ALDH1L1: variants seen among roughly 807,000 people sequenced by gnomAD.
The protein encoded by ALDH1L1 is cytosolic 10-formyltetrahydrofolate dehydrogenase.
Under a neutral mutation model 101.1 loss-of-function variants are expected in ALDH1L1, and 68 were observed. That is an observed-to-expected ratio of 0.67 (90% CI 0.55 to 0.82). The LOEUF is 0.82. Among genes scored for constraint, ALDH1L1 ranks in the 40% least tolerant of loss-of-function variants. The pLI is 0.00. For synonymous variants in ALDH1L1, 486 were observed against 470.8 expected (o/e 1.03, Z -0.42); for missense variants, 1,087 against 1,172.7 (o/e 0.93, Z 1.07).
At chr3:126,113,591 C>T (rs1044755399) in intron 18 of ALDH1L1, among the ~76,000 whole-genome samples, 1 of 152,238 alleles carries the variant, frequency 6.6e-6, no homozygotes, top group East Asian at 1.9e-4. Flanking sequence ...CCAGCTAGAT[C>T]CCCGTGCTGA....
intron 1 of ALDH1L1, among the ~76,000 whole-genome samples, chr3:126,195,650 G>A (rs532733031): frequency 6.6e-6 from 1 of 152,298 alleles, no homozygotes; most frequent in East Asian, 1.9e-4. Flanking sequence ...CTGCTATAAA[G>A]GCACATGCAC....
intron 1 of ALDH1L1, among the ~76,000 whole-genome samples, chr3:126,170,847 A>T (rs2081259217): frequency 6.6e-6 from 1 of 152,200 alleles, no homozygotes; most frequent in African/African-American, 2.4e-5. Context: ...TAAAACACGG[A>T]TAAGACAGCT....
intron 6 of ALDH1L1, 31 bp downstream of exon 6, chr3:126,154,523 G>A (rs1229783917): frequency 4.4e-6 from 7 of 1,590,278 alleles, no homozygotes; most frequent in Admixed American, 1.7e-5. Context: ...ACCAATGCAC[G>A]TGGCTGGATT....
intron 1 of ALDH1L1, among the ~76,000 whole-genome samples, chr3:126,169,115 A>G (rs982184480): frequency 2.6e-5 from 4 of 152,216 alleles, no homozygotes; most frequent in African/African-American, 9.6e-5. Context: ...AATATCAAGC[A>G]AAACAAAAAT....
At chr3:126,164,157 G>A (rs1161629383) in intron 1 of ALDH1L1, among the ~76,000 whole-genome samples, 2 of 152,144 alleles carry the variant, frequency 1.3e-5, no homozygotes, top group African/African-American at 4.8e-5. Flanking sequence ...GCAAGGCAAG[G>A]TAGGGCGGGG....
At chr3:126,154,379 G>A (rs938112339) in intron 6 of ALDH1L1, among the ~76,000 whole-genome samples, 175 bp downstream of exon 6, 1 of 152,238 alleles carries the variant, frequency 6.6e-6, no homozygotes, top group African/African-American at 2.4e-5. Context: ...ACTGCAGGCT[G>A]GGTAGGTCTC....
chr3:126,107,342 C>T (rs1048747117), intron 20 of ALDH1L1, 96 bp from the exon 21 acceptor site: 17 of 964,884 alleles, frequency 1.8e-5, no homozygotes, highest in East Asian at 4.8e-5. Context: ...CAGCCACCTG[C>T]GGATGACCCG....
At chr3:126,155,859 A>T (rs1390454851) in intron 4 of ALDH1L1, 1 of 161,852 alleles carries the variant, frequency 6.2e-6, no homozygotes, top group Non-Finnish European at 1.3e-5. Context: ...GTGGGTCCTG[A>T]GCCCCGTGGT....
intron 13 of ALDH1L1, among the ~76,000 whole-genome samples, 187 bp from the exon 14 acceptor site, chr3:126,130,480 C>T (rs2080279385): frequency 6.6e-6 from 1 of 152,268 alleles, no homozygotes; most frequent in Non-Finnish European, 1.5e-5. Flanking sequence ...CTGAGCCTGG[C>T]AGGCAGAGCC....
chr3:126,107,809 C>A (rs1303422786), intron 20 of ALDH1L1: 1 of 154,306 alleles, frequency 6.5e-6, no homozygotes, highest in Non-Finnish European at 1.4e-5. Context: ...ACCCTGGATG[C>A]AGCCCCTACA....
At chr3:126,194,479 T>A (rs969574264) in intron 1 of ALDH1L1, among the ~76,000 whole-genome samples, 3 of 152,238 alleles carry the variant, frequency 2.0e-5, no homozygotes, top group African/African-American at 7.2e-5. Flanking sequence ...TTATGCTTAA[T>A]CAGTTTAACC....
intron 16 of ALDH1L1, among the ~76,000 whole-genome samples, chr3:126,119,554 A>G (rs1656345610): frequency 6.6e-6 from 1 of 152,080 alleles, no homozygotes; most frequent in Admixed American, 6.6e-5. Context: ...CAGGCTTGTA[A>G]AATTCACATG....
intron 1 of ALDH1L1, among the ~76,000 whole-genome samples, chr3:126,179,557 C>T (rs529617639): frequency 7.9e-5 from 12 of 152,262 alleles, no homozygotes; most frequent in Admixed American, 1.3e-4. Flanking sequence ...TAGGGCCAGG[C>T]GCGGGGCAGT....
chr3:126,155,642 G>A, intron 4 of ALDH1L1, 139 bp from the exon 5 acceptor site: 1 of 622,090 alleles, frequency 1.6e-6, no homozygotes, highest in African/African-American at 1.9e-5. Context: ...AGAAACACCT[G>A]CCATATGAAC....
chr3:126,132,961 G>A (rs940842816), intron 12 of ALDH1L1, among the ~76,000 whole-genome samples: 7 of 152,204 alleles, frequency 4.6e-5, no homozygotes, highest in Admixed American at 2.6e-4. Context: ...GAGCCCATGC[G>A]TAAATCGGTT....
At chr3:126,168,940 C>T (rs1324866322) in intron 1 of ALDH1L1, among the ~76,000 whole-genome samples, 3 of 152,126 alleles carry the variant, frequency 2.0e-5, no homozygotes, top group Non-Finnish European at 2.9e-5. Context: ...CCAAACTAGA[C>T]ATTTTGTTAT....
chr3:126,180,119 T>G (rs1307583956), intron 1 of ALDH1L1: 4 of 152,478 alleles, frequency 2.6e-5, no homozygotes, highest in African/African-American at 9.7e-5. Flanking sequence ...CTTTCTCTTA[T>G]CGAGCCTCAG....
intron 9 of ALDH1L1, among the ~76,000 whole-genome samples, chr3:126,146,618 C>A (rs1439844580): frequency 6.6e-6 from 1 of 152,186 alleles, no homozygotes; most frequent in African/African-American, 2.4e-5. Context: ...AGGCTGCATG[C>A]AACTACGCCC....
intron 9 of ALDH1L1, among the ~76,000 whole-genome samples, chr3:126,143,642 T>C (rs2080613654): frequency 6.6e-6 from 1 of 152,210 alleles, no homozygotes; most frequent in African/African-American, 2.4e-5. Context: ...TCATCACAGA[T>C]AACATGATCT....
Sources: gnomAD v4.1 joint callset for allele counts (sites outside exome capture counted in the v4.1 genomes callset) on GRCh38, gnomAD v4.1.1 for gene constraint, MANE v1.5 for transcripts, NCBI Gene and HGNC (gene_info 2026-07-23, HGNC 2026-07-21) for gene names.